Variants in MYRIP observed in about 807,000 individuals in gnomAD.
MYRIP encodes the protein myosin VIIA and Rab interacting protein.
In MYRIP, 49 loss-of-function variants were observed where a neutral mutation model predicts 98.0. The ratio of observed to expected loss-of-function variants is 0.50; its 90% CI spans 0.40 to 0.63. MYRIP has a LOEUF of 0.63. MYRIP is among the 30% of genes least tolerant of loss of function. The probability of loss-of-function intolerance (pLI) is 0.00; values close to 1 mark genes in which losing one functional copy is unlikely to be tolerated. For synonymous variants in MYRIP, 404 were observed against 409.5 expected (o/e 0.99, Z 0.16); for missense variants, 1,004 against 1,058.2 (o/e 0.95, Z 0.71).
Position 40,169,995 on chromosome 3 carries a change from G to A in MYRIP, c.775G>A (p.Glu259Lys), listed in dbSNP as rs759511424. ...CAAAAGTGAGCAGCAAGTGGAAGAA[G>A]AGCCAGGATGGCCACATCCCCAGAG... ...KSKSEQQVEE[E>K]PGWPHPQSCS... The change falls in exon 8 of 17, where the codon GAG (glutamate) becomes AAG (lysine). Residue 259 changes from glutamate (E) to lysine (K), a missense_variant. By Grantham distance (56) the Glu-to-Lys change is moderately conservative. Coordinates refer to ENST00000302541, the MANE Select transcript of MYRIP (RefSeq NM_015460.4). 1.9e-6 allele frequency: 3 copies of A among 1,614,212 alleles called. No homozygotes were observed. Among genetic ancestry groups the A allele is most frequent in the East Asian group, 4.5e-5 (2 of 44,874 alleles).
At chr3:40,124,584 G>T (rs1458446979) in intron 3 of MYRIP, among the ~76,000 whole-genome samples, 1 of 152,164 alleles carries the variant, frequency 6.6e-6, no homozygotes, top group African/African-American at 2.4e-5. Flanking sequence ...TTTGTTTTTG[G>T]TTCTCTATTT....
intron 4 of MYRIP, among the ~76,000 whole-genome samples, chr3:40,155,618 A>G (rs1950216140): frequency 6.6e-6 from 1 of 150,402 alleles, no homozygotes; most frequent in South Asian, 2.1e-4. Context: ...ACAGTGTAAA[A>G]GTGTTCCTAT....
At chr3:39,874,512 C>T (rs1025004083) in intron 1 of MYRIP, among the ~76,000 whole-genome samples, 2 of 152,050 alleles carry the variant, frequency 1.3e-5, no homozygotes, top group Non-Finnish European at 2.9e-5. Flanking sequence ...TGAGATACGT[C>T]CCATCAATAC....
intron 9 of MYRIP, among the ~76,000 whole-genome samples, chr3:40,187,352 C>T (rs1951067042): frequency 6.6e-6 from 1 of 152,140 alleles, no homozygotes; most frequent in Admixed American, 6.5e-5. Context: ...GGGGATCAGC[C>T]CTGCATCTGC....
intron 1 of MYRIP, among the ~76,000 whole-genome samples, chr3:39,889,457 C>T (rs1186394869): frequency 6.6e-6 from 1 of 152,084 alleles, no homozygotes; most frequent in African/African-American, 2.4e-5. Flanking sequence ...CATATTCTCA[C>T]TCATAGGTGG....
At chr3:39,980,868 T>C (rs1945877070) in intron 2 of MYRIP, among the ~76,000 whole-genome samples, 1 of 152,206 alleles carries the variant, frequency 6.6e-6, no homozygotes, top group African/African-American at 2.4e-5. Flanking sequence ...AGGATGGTAG[T>C]TGCCAGGGGC....
intron 1 of MYRIP, among the ~76,000 whole-genome samples, chr3:39,889,254 C>T (rs556449093): frequency 1.3e-5 from 2 of 152,246 alleles, no homozygotes; most frequent in South Asian, 4.1e-4. Flanking sequence ...GCATTATTCA[C>T]AATAGCAAAG....
chr3:40,213,487 G>C (rs954560372), intron 11 of MYRIP, among the ~76,000 whole-genome samples: 10 of 152,046 alleles, frequency 6.6e-5, no homozygotes, highest in African/African-American at 2.4e-4. Flanking sequence ...ACTACATTTG[G>C]TGCTCCTTGA....
At position 40,106,280 on chromosome 3, in the gene MYRIP, T is replaced by C. The variant is rs547531270; in HGVS notation, c.333-44768T>C. Among the ~76,000 whole-genome samples the C allele has an allele frequency of 3.3e-5, 5 of 152,030 alleles. No individual in the cohort carries two copies. The East Asian group carries it at 9.7e-4, about 29-fold the overall frequency. On this transcript the variant is annotated intron_variant, in intron 3 of 16. Transcript: ENST00000302541. Reference sequence around the variant, plus strand: ...AAAAGAACACAAAATTGCAGGAAACTCAACAGCGTAATTAGATTTGTTATT... The same window carrying C: ...AAAAGAACACAAAATTGCAGGAAACCCAACAGCGTAATTAGATTTGTTATT...
chr3:39,842,754 C>CT (rs1553638492), intron 1 of MYRIP, among the ~76,000 whole-genome samples: 5 of 127,940 alleles, frequency 3.9e-5, no homozygotes, highest in African/African-American at 1.2e-4. Flanking sequence ...GAGGTGATTA[C>CT]CCCCCCTGCT....
rs576962903 is a variant in MYRIP, at chr3:39,908,498, C to T, written c.110+7572C>T. On this transcript the variant is annotated intron_variant, in intron 2 of 16. Coordinates refer to ENST00000302541, the MANE Select transcript of MYRIP (RefSeq NM_015460.4). ...AGAGCTGCCAGGGTTTGTTGGAGAC[C>T]CACTATGAGGAAGCAAAGCCTTTCT... 2.6e-5 allele frequency among the ~76,000 whole-genome samples: 4 copies of T among 152,028 alleles called. No individual in the cohort carries two copies. The South Asian group carries it at 8.3e-4, about 32-fold the overall frequency.
At chr3:40,085,549 G>T (rs1005830147) in intron 3 of MYRIP, among the ~76,000 whole-genome samples, 4 of 152,180 alleles carry the variant, frequency 2.6e-5, no homozygotes, top group Non-Finnish European at 5.9e-5. Context: ...CTCCCAAAGT[G>T]CTGGGATTAC....
intron 2 of MYRIP, among the ~76,000 whole-genome samples, chr3:39,907,291 G>A (rs1943902397): frequency 6.6e-6 from 1 of 152,178 alleles, no homozygotes; most frequent in Non-Finnish European, 1.5e-5. Context: ...ATTAAAATAA[G>A]TAAATAGACT....
Position 39,900,821 on chromosome 3 carries a change from G to T in MYRIP, c.5G>T (p.Gly2Val). Residue 2 changes from glycine to valine, a missense_variant, in exon 2 of 17, where the codon GGG (glycine) becomes GTG (valine). Coordinates refer to ENST00000302541, the MANE Select transcript of MYRIP (RefSeq NM_015460.4). ...CATCATCTGTGTTGAGTAACCATGGGGAGGAAGCTGGACCTGTCTGGTTTG... is the reference window on the plus strand; with the variant it reads ...CATCATCTGTGTTGAGTAACCATGGTGAGGAAGCTGGACCTGTCTGGTTTG... Reference protein sequence around the residue: MGRKLDLSGLTD... With the variant: MVRKLDLSGLTD... The T allele has an allele frequency of 6.2e-7, 1 of 1,613,260 alleles. No individual in the cohort carries two copies. The highest frequency in any genetic ancestry group is 8.5e-7 in the Non-Finnish European group (1 of 1,179,604).
intron 3 of MYRIP, among the ~76,000 whole-genome samples, chr3:40,070,764 C>G (rs1948208313): frequency 6.6e-6 from 1 of 152,154 alleles, no homozygotes. Flanking sequence ...GTCCCTGGTA[C>G]CAGAAAGGCT....
intron 10 of MYRIP, among the ~76,000 whole-genome samples, chr3:40,202,906 C>CTTATTTATTTAT (rs35758632): frequency 1.3e-4 from 18 of 142,512 alleles, no homozygotes; most frequent in East Asian, 4.2e-4. Context: ...CCTCCATTTA[C>CTTATTTATTTAT]TTATTTATTT....
At chr3:40,034,517 A>T (rs376078046) in intron 2 of MYRIP, among the ~76,000 whole-genome samples, 9,015 of 150,130 alleles carry the variant, frequency 0.06, 370 homozygotes, top group East Asian at 0.16. Context: ...TCAAAACCAC[A>T]ATGAGATACC....
chr3:39,902,933 G>A (rs1943778967), intron 2 of MYRIP, among the ~76,000 whole-genome samples: 1 of 152,204 alleles, frequency 6.6e-6, no homozygotes, highest in Non-Finnish European at 1.5e-5. Flanking sequence ...CTGCAATTCT[G>A]TGAAAATGCA....
chr3:39,983,124 C>T (rs1195681570), intron 2 of MYRIP, among the ~76,000 whole-genome samples: 2 of 152,164 alleles, frequency 1.3e-5, no homozygotes, highest in African/African-American at 4.8e-5. Flanking sequence ...CAAATATAAA[C>T]TTGAAATACA....
Sources: gnomAD v4.1 joint callset for allele counts (sites outside exome capture counted in the v4.1 genomes callset) on GRCh38, gnomAD v4.1.1 for gene constraint, MANE v1.5 for transcripts, NCBI Gene and HGNC (gene_info 2026-07-23, HGNC 2026-07-21) for gene names.